Variants in RTF1 observed in about 807,000 individuals in gnomAD.
RTF1 encodes the protein RNA polymerase-associated protein RTF1 homolog.
In RTF1, 10 loss-of-function variants were observed where a neutral mutation model predicts 95.7. That is an observed-to-expected ratio of 0.10 (90% CI 0.06 to 0.18). The LOEUF (loss-of-function observed/expected upper bound fraction) is 0.18. Among genes scored for constraint, RTF1 ranks in the 10% least tolerant of loss-of-function variants. RTF1 has a pLI of 1.00. For missense variants in RTF1, 458 were observed against 875.6 expected (o/e 0.52, Z 6.02); for synonymous variants, 305 against 311.8 (o/e 0.98, Z 0.23).
chr15:41,454,209 T>C (rs2050801803), intron 3 of RTF1, among the ~76,000 whole-genome samples: 1 of 152,088 alleles, frequency 6.6e-6, no homozygotes, highest in African/African-American at 2.4e-5. Flanking sequence ...GAGATTATTC[T>C]GCCTCAAGCA....
In RTF1 at chr15:41,483,054, C is replaced by T. The variant is rs957886854; in HGVS notation, c.*2367C>T. The T allele has an allele frequency of 1.3e-5, 2 of 152,782 alleles. No homozygotes were observed. The highest frequency in any genetic ancestry group is 4.8e-5 in the African/African-American group (2 of 41,434). The allele number at this position is 152,782 out of a possible 1,614,324, so 9.5% of individuals were successfully genotyped here. ...AACCCCCACGAGATGCCAATGCACA[C>T]AGCAGGGAGAAAAGCCAACCAAAGA... On this transcript the variant is annotated 3_prime_UTR_variant, in exon 18 of 18. Coordinates refer to ENST00000389629, the MANE Select transcript of RTF1 (RefSeq NM_015138.5).
chr15:41,429,040 G>A (rs1595424532), intron 1 of RTF1, among the ~76,000 whole-genome samples: 3 of 152,058 alleles, frequency 2.0e-5, no homozygotes, highest in African/African-American at 7.2e-5. Context: ...CCTGGCCACA[G>A]CGAATTGATT....
intron 1 of RTF1, among the ~76,000 whole-genome samples, chr15:41,430,625 C>T (rs2050664811): frequency 6.6e-6 from 1 of 151,472 alleles, no homozygotes; most frequent in Admixed American, 6.6e-5. Flanking sequence ...CCTGTAGTCC[C>T]AGCTACTTGG....
chr15:41,462,704 C>T (rs1448911776), intron 4 of RTF1, among the ~76,000 whole-genome samples: 1 of 152,100 alleles, frequency 6.6e-6, no homozygotes, highest in Non-Finnish European at 1.5e-5. Flanking sequence ...CCTAGGCAAC[C>T]ACTAATCTCC....
At position 41,457,800 on chromosome 15, in the gene RTF1, C is replaced by T; in HGVS notation, c.586C>T (p.Leu196=). ...LMGDEEDRAR[L]EQMTEKEREQ... ...GGGAGATGAGGAAGACAGGGCCCGT[C>T]TGGAACAGATGACAGAGAAAGAGAG... The change falls in exon 4 of 18, where the codon CTG becomes TTG. Residue 196 remains leucine, a synonymous_variant. Transcript: ENST00000389629. 1 of 1,614,074 alleles carries T rather than the reference C, an allele frequency of 6.2e-7. No individual in the cohort carries two copies. The highest frequency in any genetic ancestry group is 8.5e-7 in the Non-Finnish European group (1 of 1,180,032).
intron 1 of RTF1, among the ~76,000 whole-genome samples, chr15:41,428,533 G>T (rs1338947319): frequency 1.3e-5 from 2 of 151,026 alleles, no homozygotes; most frequent in African/African-American, 2.4e-5. Flanking sequence ...CTCCCAAAGT[G>T]CTGGGATTAC....
chr15:41,480,187 C>T (rs867140446), intron 16 of RTF1, 27 bp from the exon 17 acceptor site: 2 of 1,413,716 alleles, frequency 1.4e-6, no homozygotes, highest in African/African-American at 2.8e-5. Flanking sequence ...TATGCTCTTA[C>T]CATTAGCTTT....
At chr15:41,439,492 A>G (rs545201791) in intron 2 of RTF1, among the ~76,000 whole-genome samples, 1 of 152,282 alleles carries the variant, frequency 6.6e-6, no homozygotes, top group East Asian at 1.9e-4. Flanking sequence ...TTAACTTCAA[A>G]GGAGGAAAAT....
intron 3 of RTF1, among the ~76,000 whole-genome samples, chr15:41,454,081 T>TTTTTTTA (rs2050801051): frequency 6.6e-6 from 1 of 152,132 alleles, no homozygotes; most frequent in South Asian, 2.1e-4. Flanking sequence ...TTAAAATGTG[T>TTTTTTTA]TTTTTTATTT....
rs150117588 is a variant in RTF1, at chr15:41,467,817, G to A, written c.889+1565G>A. ...AGGCTGGAGGATTGCTTGAGGCCAG[G>A]AGTTCAAGACCGGCCTGGCCAACAT... On this transcript the variant is annotated intron_variant, in intron 6 of 17. Coordinates refer to ENST00000389629, the MANE Select transcript of RTF1 (RefSeq NM_015138.5). 1.9e-3 allele frequency among the ~76,000 whole-genome samples: 287 copies of A among 152,184 alleles called. 2 individuals carry two copies. Among genetic ancestry groups the A allele is most frequent in the Non-Finnish European group, 2.3e-3 (157 of 68,016 alleles).
At chr15:41,444,094 T>TA (rs1233629020) in intron 2 of RTF1, among the ~76,000 whole-genome samples, 72 of 149,140 alleles carry the variant, frequency 4.8e-4, no homozygotes, top group African/African-American at 1.6e-3. Flanking sequence ...AAAGAAAAAT[T>TA]AAAAAAAAAT....
At chr15:41,428,998 A>C (rs1051391205) in intron 1 of RTF1, among the ~76,000 whole-genome samples, 1 of 152,046 alleles carries the variant, frequency 6.6e-6, no homozygotes, top group African/African-American at 2.4e-5. Flanking sequence ...TGGCCTCCCA[A>C]AGTGCTGGGA....
chr15:41,448,446 C>T (rs2050773833), intron 2 of RTF1, among the ~76,000 whole-genome samples: 1 of 152,072 alleles, frequency 6.6e-6, no homozygotes, highest in African/African-American at 2.4e-5. Context: ...GCAGGCAGAC[C>T]CCCTGAGGTC....
At chr15:41,471,597 GTA>G (rs1248142703) in intron 8 of RTF1, among the ~76,000 whole-genome samples, 1 of 152,178 alleles carries the variant, frequency 6.6e-6, no homozygotes, top group East Asian at 1.9e-4. Context: ...TCTCCCTTCA[GTA>G]TAAAAGGGAG....
intron 6 of RTF1, among the ~76,000 whole-genome samples, chr15:41,467,839 A>G (rs2050888288): frequency 6.6e-6 from 1 of 152,138 alleles, no homozygotes; most frequent in African/African-American, 2.4e-5. Flanking sequence ...GGCCTGGCCA[A>G]CATGGTGCAA....
chr15:41,468,529 G>A (rs531301770), intron 6 of RTF1, among the ~76,000 whole-genome samples: 2 of 152,200 alleles, frequency 1.3e-5, no homozygotes, highest in South Asian at 4.1e-4. Flanking sequence ...ATGTTAGCCA[G>A]GATGGTCTTG....
chr15:41,441,691 A>G (rs2140953267), intron 2 of RTF1, among the ~76,000 whole-genome samples: 2 of 152,300 alleles, frequency 1.3e-5, no homozygotes, highest in Middle Eastern at 3.4e-3. Context: ...TTGTGCACGT[A>G]TTGGAGAAAA....
intron 2 of RTF1, among the ~76,000 whole-genome samples, chr15:41,439,672 A>T (rs746930384): frequency 5.5e-4 from 83 of 152,074 alleles, no homozygotes; most frequent in Non-Finnish European, 5.7e-4. Flanking sequence ...TTTTTTTGAG[A>T]TGGAGTCTCA....
At chr15:41,440,193 T>TC (rs941041641) in intron 2 of RTF1, 5 of 150,224 alleles carry the variant, frequency 3.3e-5, no homozygotes, top group African/African-American at 1.2e-4. Flanking sequence ...TCTTTCTTTT[T>TC]TTTTTTTTTT....
Sources: allele counts gnomAD v4.1 joint callset (sites outside exome capture counted in the v4.1 genomes callset), GRCh38; gene constraint gnomAD v4.1.1; transcripts MANE v1.5; gene names NCBI Gene and HGNC (gene_info 2026-07-23, HGNC 2026-07-21).